The following PPARGC1A variants were observed in gnomAD, a reference collection of about 807,000 sequenced individuals.
PPARGC1A encodes the protein PPARG coactivator 1 alpha, also known as peroxisome proliferator-activated receptor gamma coactivator 1-alpha.
Under a neutral mutation model 88.7 loss-of-function variants are expected in PPARGC1A, and 25 were observed. That is an observed-to-expected ratio of 0.28 (90% CI 0.21 to 0.39). The LOEUF is 0.39. PPARGC1A is among the 10% of genes least tolerant of loss of function. PPARGC1A has a pLI of 1.00. For missense variants in PPARGC1A, 880 were observed against 968.7 expected, an observed-to-expected ratio of 0.91 and a Z score of 1.22; for synonymous variants, 363 against 355.6, an observed-to-expected ratio of 1.02 and a Z score of -0.24.
chr4:23,915,961 G>A, the PPARGC1A span, among the ~76,000 whole-genome samples: 1 of 152,184 alleles, frequency 6.6e-6, no homozygotes, highest in Non-Finnish European at 1.5e-5. Context: ...CTGGGCTCTG[G>A]AGCCAAGTGG....
chr4:24,015,032 T>C, the PPARGC1A span, among the ~76,000 whole-genome samples: 1 of 152,084 alleles, frequency 6.6e-6, no homozygotes, highest in Non-Finnish European at 1.5e-5. Flanking sequence ...GCTCCTTCTC[T>C]AGCACAGAAG....
At chr4:24,404,456 G>A in the PPARGC1A span, among the ~76,000 whole-genome samples, 1 of 151,968 alleles carries the variant, frequency 6.6e-6, no homozygotes. Context: ...GACTCATCAG[G>A]ATTGGGAACT....
the PPARGC1A span, among the ~76,000 whole-genome samples, chr4:24,449,886 T>C: frequency 6.5e-4 from 99 of 152,318 alleles, 1 homozygote; most frequent in Middle Eastern, 0.024. Flanking sequence ...TTTTACCTTC[T>C]AATTTTCTTT....
chr4:24,095,464 G>T, the PPARGC1A span, among the ~76,000 whole-genome samples: 1 of 151,980 alleles, frequency 6.6e-6, no homozygotes, highest in Non-Finnish European at 1.5e-5. Flanking sequence ...CTGAAATGAG[G>T]TCATTAGGGT....
chr4:24,465,165 C>T, the PPARGC1A span, among the ~76,000 whole-genome samples: 1 of 152,046 alleles, frequency 6.6e-6, no homozygotes, highest in African/African-American at 2.4e-5. Flanking sequence ...CGTGCTCTGG[C>T]AAAATCAGTA....
At chr4:23,964,971 C>T in the PPARGC1A span, among the ~76,000 whole-genome samples, 1 of 152,148 alleles carries the variant, frequency 6.6e-6, no homozygotes, top group Non-Finnish European at 1.5e-5. Flanking sequence ...ATTTCAAAGA[C>T]AGCATAGATA....
At chr4:23,910,083 CATGTATATTTTACACATATAT>C in the PPARGC1A span, among the ~76,000 whole-genome samples, 1 of 135,038 alleles carries the variant, frequency 7.4e-6, no homozygotes, top group Middle Eastern at 3.9e-3. Flanking sequence ...TGAAAATAGG[CATGTATATTTTACACATATAT>C]ATGTATATGT....
At chr4:24,110,766 C>T in the PPARGC1A span, among the ~76,000 whole-genome samples, 3 of 152,292 alleles carry the variant, frequency 2.0e-5, no homozygotes, top group Non-Finnish European at 4.4e-5. Context: ...TCGGCACATT[C>T]ATCATCTTAA....
In PPARGC1A at chr4:23,829,467, A is replaced by G; in HGVS notation, c.548T>C (p.Val183Ala). The change falls in exon 4 of 13, where the codon GTT (valine) becomes GCT (alanine). Residue 183 changes from valine (V) to alanine (A), a missense_variant. Physicochemically the swap from Val to Ala is moderately conservative, Grantham distance 64. Transcript: ENST00000264867. ...TTAAAAAATTTACATTTGTACCTTA[A>G]CAATTGCAGGGTTTGTTCTGATCCT... ...NHRIRTNPAI[V>A]KTENSWSNKA... The G allele has an allele frequency of 3.7e-6, 6 of 1,612,956 alleles. No homozygotes were observed. The highest frequency in any genetic ancestry group is 5.1e-6 in the Non-Finnish European group (6 of 1,179,198).
At chr4:24,417,733 C>G in the PPARGC1A span, among the ~76,000 whole-genome samples, 1 of 152,062 alleles carries the variant, frequency 6.6e-6, no homozygotes, top group Admixed American at 6.6e-5. Flanking sequence ...AAGATGTATA[C>G]ATTATATTGA....
the PPARGC1A span, among the ~76,000 whole-genome samples, chr4:24,291,952 A>G: frequency 6.6e-6 from 1 of 152,204 alleles, no homozygotes; most frequent in Admixed American, 6.5e-5. Context: ...CACAAATGCA[A>G]AAGAAAACAA....
Position 23,855,078 on chromosome 4 carries a change from C to T in PPARGC1A, c.235-23327G>A, listed in dbSNP as rs184764384. Among the ~76,000 whole-genome samples, 14 of 152,178 alleles carry T rather than the reference C, an allele frequency of 9.2e-5. No individual in the cohort carries two copies. The East Asian group carries it at 2.5e-3, about 27-fold the overall frequency. On this transcript the variant is annotated intron_variant, in intron 2 of 12. Transcript: ENST00000264867. ...TGGTAGTGAGTAAGTCTCATGAGAT[C>T]GATGGTTTTATAAGGGGAAACCCCT...
At chr4:24,043,105 T>C in the PPARGC1A span, among the ~76,000 whole-genome samples, 1 of 152,106 alleles carries the variant, frequency 6.6e-6, no homozygotes, top group Non-Finnish European at 1.5e-5. Flanking sequence ...CTTTCCTTCT[T>C]CCTTTCCCCA....
chr4:23,832,994 A>C (rs1725322741), intron 2 of PPARGC1A, among the ~76,000 whole-genome samples: 1 of 152,134 alleles, frequency 6.6e-6, no homozygotes, highest in Non-Finnish European at 1.5e-5. Context: ...CACTCATAGA[A>C]AGCTAATCTT....
At chr4:24,120,061 C>T in the PPARGC1A span, among the ~76,000 whole-genome samples, 1 of 152,090 alleles carries the variant, frequency 6.6e-6, no homozygotes, top group African/African-American at 2.4e-5. Flanking sequence ...AAATAAAATG[C>T]CTGTGATGTA....
the PPARGC1A span, among the ~76,000 whole-genome samples, chr4:24,066,818 TTTTTTTGTTTTTG>T: frequency 6.7e-6 from 1 of 150,108 alleles, no homozygotes; most frequent in African/African-American, 2.5e-5. Context: ...ACTTCCATGG[TTTTTTTGTTTTTG>T]TTTTTTGTTT....
the PPARGC1A span, among the ~76,000 whole-genome samples, chr4:24,267,818 C>T: frequency 1.6e-4 from 24 of 151,928 alleles, no homozygotes; most frequent in African/African-American, 3.6e-4. Context: ...AGCTAATCAA[C>T]GTGTCATTTT....
chr4:24,078,655 T>A, the PPARGC1A span, among the ~76,000 whole-genome samples: 1 of 152,068 alleles, frequency 6.6e-6, no homozygotes, highest in Non-Finnish European at 1.5e-5. Context: ...TTTCCAGAAT[T>A]TGGCAGAGCA....
At chr4:23,953,141 C>T in the PPARGC1A span, among the ~76,000 whole-genome samples, 4 of 152,050 alleles carry the variant, frequency 2.6e-5, no homozygotes, top group Admixed American at 6.6e-5. Flanking sequence ...TAGAAGGAAA[C>T]ACCATATTCT....
Sources: gnomAD v4.1 joint callset for allele counts (sites outside exome capture counted in the v4.1 genomes callset) on GRCh38, gnomAD v4.1.1 for gene constraint, MANE v1.5 for transcripts, NCBI Gene and HGNC (gene_info 2026-07-23, HGNC 2026-07-21) for gene names.